Variants in CLCC1 observed in about 807,000 individuals in gnomAD.
CLCC1 encodes chloride channel CLIC-like protein 1.
CLCC1 carries 39 observed loss-of-function variants against 63.3 expected under a neutral mutation model. The ratio of observed to expected loss-of-function variants is 0.62; its 90% CI spans 0.48 to 0.81. The LOEUF (loss-of-function observed/expected upper bound fraction) is 0.81. Ranked by LOEUF, CLCC1 falls within the 30% of genes least tolerant of loss-of-function variation. CLCC1 has a pLI of 0.00. For missense variants in CLCC1, 549 were observed against 669.4 expected (o/e 0.82, Z 1.98); for synonymous variants, 217 against 239.8 (o/e 0.90, Z 0.88).
chr1:108,939,547 G>T, intron 10 of CLCC1, 89 bp downstream of exon 10: 1 of 1,154,972 alleles, frequency 8.7e-7, no homozygotes, highest in South Asian at 1.5e-5. Flanking sequence ...CTGACCTCGT[G>T]ATCCGCCCGC....
intron 2 of CLCC1, among the ~76,000 whole-genome samples, chr1:108,952,239 C>T (rs1187134847): frequency 3.3e-5 from 5 of 152,066 alleles, no homozygotes; most frequent in East Asian, 1.9e-4. Flanking sequence ...AGTGCAATGG[C>T]GCAATCTCGG....
chr1:108,961,568 A>G (rs1239265313), intron 2 of CLCC1, among the ~76,000 whole-genome samples: 1 of 152,188 alleles, frequency 6.6e-6, no homozygotes, highest in Non-Finnish European at 1.5e-5. Flanking sequence ...TATGTATAAT[A>G]GTAGCTAAAG....
At chr1:108,939,814 C>G (rs1446561452) in intron 9 of CLCC1, 32 bp from the exon 10 acceptor site, 8 of 1,605,918 alleles carry the variant, frequency 5.0e-6, no homozygotes, top group Non-Finnish European at 6.0e-6. Flanking sequence ...TTAATTTTCT[C>G]CTCACAGGAC....
Position 108,931,088 on chromosome 1 carries a change from TA to T in CLCC1, c.*1458del, listed in dbSNP as rs1276008458. 74 of 313,382 alleles carry T rather than the reference TA, an allele frequency of 2.4e-4. No homozygotes were observed. Among genetic ancestry groups the T allele is most frequent in the Non-Finnish European group, 3.6e-4 (61 of 170,642 alleles). The allele number at this position is 313,382 out of a possible 1,614,324, so 19.4% of individuals were successfully genotyped here. ...TATCTTTTGTGTGTTTTGGGCTGTT[TA>T]AAAAAATTATTTAAAATGGTCTCTT... On this transcript the variant is annotated 3_prime_UTR_variant, in exon 13 of 13. Coordinates refer to ENST00000369969, the MANE Select transcript of CLCC1 (RefSeq NM_001377458.1).
At chr1:108,935,586 A>G (rs752189694) in intron 11 of CLCC1, among the ~76,000 whole-genome samples, 5 of 152,108 alleles carry the variant, frequency 3.3e-5, no homozygotes, top group Non-Finnish European at 4.4e-5. Context: ...GGGTAACAGC[A>G]AGACCCCATA....
chr1:108,954,296 G>A (rs1655582284), intron 2 of CLCC1, among the ~76,000 whole-genome samples: 1 of 149,838 alleles, frequency 6.7e-6, no homozygotes, highest in Admixed American at 6.6e-5. Context: ...GACCATCCTG[G>A]CTAACATGGT....
chr1:108,949,929 A>G lies in CLCC1; in HGVS notation c.130-8T>C. On this transcript the variant is annotated splice_region_variant and splice_polypyrimidine_tract_variant and intron_variant, in intron 3 of 12. Coordinates refer to ENST00000369969, the MANE Select transcript of CLCC1 (RefSeq NM_001377458.1). ...TGAAATACCATATTTTGCCTAAAAC[A>G]GAGTATAGAAACATTTTATTTCTTT... The G allele has an allele frequency of 6.6e-7, 1 of 1,511,044 alleles. No homozygotes were observed. Among genetic ancestry groups the G allele is most frequent in the Non-Finnish European group, 9.1e-7 (1 of 1,100,122 alleles). The allele number at this position is 1,511,044 out of a possible 1,614,324, so 93.6% of individuals were successfully genotyped here.
intron 2 of CLCC1, among the ~76,000 whole-genome samples, chr1:108,959,443 G>A (rs922115271): frequency 1.3e-5 from 2 of 152,114 alleles, no homozygotes; most frequent in Non-Finnish European, 2.9e-5. Flanking sequence ...CCATGAAATT[G>A]TACAGGAGGA....
chr1:108,952,241 C>T (rs1190472659), intron 2 of CLCC1, among the ~76,000 whole-genome samples: 2 of 152,120 alleles, frequency 1.3e-5, no homozygotes, highest in Non-Finnish European at 2.9e-5. Flanking sequence ...TGCAATGGCG[C>T]AATCTCGGCT....
intron 2 of CLCC1, among the ~76,000 whole-genome samples, chr1:108,960,453 C>T (rs1656474534): frequency 1.3e-5 from 2 of 152,120 alleles, no homozygotes; most frequent in Admixed American, 1.3e-4. Flanking sequence ...ATTAGTTGGC[C>T]ATTTATGACC....
At chr1:108,941,125 C>T (rs903395122) in intron 8 of CLCC1, among the ~76,000 whole-genome samples, 3 of 152,090 alleles carry the variant, frequency 2.0e-5, no homozygotes, top group Non-Finnish European at 4.4e-5. Context: ...GTGCAAAGAA[C>T]GAGATGAACA....
At chr1:108,935,849 A>C (rs1557890673) in intron 11 of CLCC1, among the ~76,000 whole-genome samples, 4 of 152,154 alleles carry the variant, frequency 2.6e-5, no homozygotes. Context: ...AGCAGGTACA[A>C]AGGCTCTCAA....
intron 5 of CLCC1, among the ~76,000 whole-genome samples, chr1:108,946,106 C>G (rs1438859461): frequency 1.3e-5 from 2 of 152,066 alleles, no homozygotes; most frequent in African/African-American, 4.8e-5. Context: ...GTCAGGAGAT[C>G]AAGACCATCC....
At chr1:108,938,625 G>A (rs779104933) in intron 10 of CLCC1, among the ~76,000 whole-genome samples, 2 of 152,156 alleles carry the variant, frequency 1.3e-5, no homozygotes, top group Non-Finnish European at 2.9e-5. Flanking sequence ...AGACCATGGA[G>A]GGATGACGAG....
rs779928750 is a variant in CLCC1 at position 108,943,811 on chromosome 1, T to C, written c.561+25A>G. On this transcript the variant is annotated intron_variant, in intron 6 of 12. Transcript: ENST00000369969. Reference sequence around the variant, plus strand: ...TTTTAAAAAGGAAACTTAATGACGTTGCCCTTGCCCTCATCCCATCTTACC... The same window carrying C: ...TTTTAAAAAGGAAACTTAATGACGTCGCCCTTGCCCTCATCCCATCTTACC... 4 of 1,545,708 alleles carry C rather than the reference T, an allele frequency of 2.6e-6. No individual in the cohort carries two copies. In the Admixed American group the frequency reaches 7.1e-5, roughly 28 times the overall value.
chr1:108,937,919 G>A (rs771239187), intron 10 of CLCC1, among the ~76,000 whole-genome samples: 3 of 152,142 alleles, frequency 2.0e-5, no homozygotes, highest in Admixed American at 6.5e-5. Flanking sequence ...TCCTTACAGT[G>A]TGGCCCAGGG....
chr1:108,947,608 C>T lies in CLCC1; in HGVS notation c.339+3G>A. The T allele has an allele frequency of 6.4e-7, 1 of 1,572,052 alleles. No individual in the cohort carries two copies. Among genetic ancestry groups the T allele is most frequent in the Non-Finnish European group, 8.7e-7 (1 of 1,146,724 alleles). ...GATTAGTATCACACCATCAAATACT[C>T]ACAAGTCCAAGCTTTCCAGCTTCAA... is the stretch of plus-strand genomic sequence containing the variant. On this transcript the variant is annotated splice_donor_region_variant and intron_variant, in intron 5 of 12. Coordinates refer to ENST00000369969, the MANE Select transcript of CLCC1 (RefSeq NM_001377458.1).
At position 108,939,630 on chromosome 1, in the gene CLCC1, A is replaced by C. The variant is rs1557892722; in HGVS notation, c.1041+6T>G. On this transcript the variant is annotated splice_donor_region_variant and intron_variant, in intron 10 of 12. Transcript: ENST00000369969. ...GGCCCGACAGTGCTAATATATTAAT[A>C]CTAACCAGGATGGCTAATGCCATAA... 6.2e-7 allele frequency: 1 copy of C among 1,613,578 alleles called. No homozygotes were observed. The highest frequency in any genetic ancestry group is 8.5e-7 in the Non-Finnish European group (1 of 1,179,832).
intron 5 of CLCC1, among the ~76,000 whole-genome samples, chr1:108,944,743 C>T (rs1166431033): frequency 6.6e-6 from 1 of 152,052 alleles, no homozygotes; most frequent in Non-Finnish European, 1.5e-5. Flanking sequence ...CATTCTCCTG[C>T]CTCAGCCTCC....
Sources: gnomAD v4.1 joint callset for allele counts (sites outside exome capture counted in the v4.1 genomes callset) on GRCh38, gnomAD v4.1.1 for gene constraint, MANE v1.5 for transcripts, NCBI Gene and HGNC (gene_info 2026-07-23, HGNC 2026-07-21) for gene names.